Variants in MAGI1 observed in about 807,000 individuals in gnomAD.
MAGI1 encodes membrane associated guanylate kinase, WW and PDZ domain containing 1, also known as membrane-associated guanylate kinase, WW and PDZ domain-containing protein 1.
A neutral mutation model predicts 139.9 loss-of-function variants in MAGI1; 58 were observed. That is an observed-to-expected ratio of 0.41 (90% CI 0.34 to 0.52). The LOEUF (loss-of-function observed/expected upper bound fraction) is 0.52. Among genes scored for constraint, MAGI1 ranks in the 20% least tolerant of loss-of-function variants. The pLI is 0.12. For missense variants in MAGI1, 1,874 were observed against 1,901.6 expected (o/e 0.99, Z 0.27); for synonymous variants, 812 against 737.9 (o/e 1.10, Z -1.63).
chr3:65,676,772 G>C (rs2087217775), intron 1 of MAGI1, among the ~76,000 whole-genome samples: 1 of 152,120 alleles, frequency 6.6e-6, no homozygotes, highest in African/African-American at 2.4e-5. Context: ...AGGAGCTTTA[G>C]AAAACAGATG....
At chr3:65,722,425 G>C (rs2033142369) in intron 1 of MAGI1, among the ~76,000 whole-genome samples, 1 of 151,948 alleles carries the variant, frequency 6.6e-6, no homozygotes, top group Non-Finnish European at 1.5e-5. Flanking sequence ...CTTAAGCCCA[G>C]GAGTCCGAGA....
At chr3:65,760,293 C>T (rs2036908408) in intron 1 of MAGI1, among the ~76,000 whole-genome samples, 1 of 151,574 alleles carries the variant, frequency 6.6e-6, no homozygotes, top group Non-Finnish European at 1.5e-5. Flanking sequence ...GAGGCAGTTA[C>T]TACTATTATT....
At chr3:66,023,799 GA>G (rs1421473904) in intron 1 of MAGI1, among the ~76,000 whole-genome samples, 1 of 152,208 alleles carries the variant, frequency 6.6e-6, no homozygotes, top group African/African-American at 2.4e-5. Flanking sequence ...TCAGGGCAGA[GA>G]ATAGATTCTA....
chr3:65,741,178 A>ATT (rs10707971), intron 1 of MAGI1, among the ~76,000 whole-genome samples: 5 of 146,898 alleles, frequency 3.4e-5, no homozygotes, highest in Admixed American at 2.7e-4. Context: ...GCTATTATTG[A>ATT]TTTTTTTTTT....
intron 22 of MAGI1, 199 bp downstream of exon 22, chr3:65,361,000 C>T (rs1468023559): frequency 1.4e-6 from 2 of 1,459,924 alleles, no homozygotes; most frequent in Non-Finnish European, 1.8e-6. Context: ...TTAGGCCATG[C>T]CCCAGTCCAC....
intron 1 of MAGI1, among the ~76,000 whole-genome samples, chr3:66,036,666 T>G (rs1183196147): frequency 6.6e-6 from 1 of 152,224 alleles, no homozygotes; most frequent in Non-Finnish European, 1.5e-5. Flanking sequence ...CCATTTCATC[T>G]GGAGCACGCC....
intron 1 of MAGI1, among the ~76,000 whole-genome samples, chr3:65,985,925 G>C (rs1005815610): frequency 5.9e-5 from 9 of 152,214 alleles, no homozygotes; most frequent in African/African-American, 2.2e-4. Context: ...CATGCTCAGT[G>C]ACTTGGCTTA....
chr3:65,521,033 TC>T (rs2078129767), intron 2 of MAGI1, among the ~76,000 whole-genome samples: 1 of 152,194 alleles, frequency 6.6e-6, no homozygotes, highest in Non-Finnish European at 1.5e-5. Flanking sequence ...TATCAATCCA[TC>T]CCAAATCTTG....
At chr3:65,644,912 A>C (rs1322512992) in intron 1 of MAGI1, among the ~76,000 whole-genome samples, 1 of 151,702 alleles carries the variant, frequency 6.6e-6, no homozygotes, top group African/African-American at 2.4e-5. Flanking sequence ...TAGGAGAATC[A>C]CTTGAACCTG....
Position 66,038,061 on chromosome 3 carries a change from C to A in MAGI1, c.248G>T (p.Arg83Leu). Residue 83 changes from arginine to leucine, a missense_variant, in exon 1 of 23, where the codon CGC becomes CTC. Physicochemically the swap from Arg to Leu is moderately radical, Grantham distance 102 (BLOSUM62 -2). This residue lies in a region of MAGI1 where 648 missense variants were observed against 598.1 expected (regional missense o/e 1.08). Transcript: ENST00000402939. The stretch of plus-strand genomic sequence containing the variant: ...GTCGATGACCCCCAGCACGTCATAG[C>A]GGGGCAAGCCGGACACCCGGACCCC... ...VQGVRVSGLP[R>L]YDVLGVIDSC... The A allele has an allele frequency of 6.2e-7, 1 of 1,612,262 alleles. No individual in the cohort carries two copies. Among genetic ancestry groups the A allele is most frequent in the Non-Finnish European group, 8.5e-7 (1 of 1,179,258 alleles).
chr3:65,719,332 C>T (rs1402753426), intron 1 of MAGI1, among the ~76,000 whole-genome samples: 2 of 150,984 alleles, frequency 1.3e-5, no homozygotes, highest in African/African-American at 4.9e-5. Context: ...TCTGGGCTTA[C>T]CATATATACA....
intron 1 of MAGI1, among the ~76,000 whole-genome samples, chr3:66,034,061 T>C (rs2068783976): frequency 6.6e-6 from 1 of 152,170 alleles, no homozygotes; most frequent in Non-Finnish European, 1.5e-5. Context: ...CCTAGTACAG[T>C]AGTTCTTAAA....
intron 1 of MAGI1, among the ~76,000 whole-genome samples, chr3:66,018,607 A>AT (rs2067795183): frequency 6.6e-6 from 1 of 152,234 alleles, no homozygotes; most frequent in South Asian, 2.1e-4. Flanking sequence ...CACATGGATC[A>AT]TGATCACCAT....
chr3:65,976,871 T>C (rs1347091748), intron 1 of MAGI1, among the ~76,000 whole-genome samples: 2 of 152,186 alleles, frequency 1.3e-5, no homozygotes, highest in Non-Finnish European at 2.9e-5. Context: ...TCAAATTACA[T>C]GCTTTCACAC....
At chr3:65,846,989 A>AAAC (rs1262254660) in intron 1 of MAGI1, among the ~76,000 whole-genome samples, 7 of 151,534 alleles carry the variant, frequency 4.6e-5, no homozygotes, top group South Asian at 4.2e-4. Context: ...AAAAAAAAAA[A>AAAC]AAAAAAACCC....
chr3:65,964,431 GAGA>G (rs146730781), intron 1 of MAGI1, among the ~76,000 whole-genome samples: 2,276 of 151,980 alleles, frequency 0.015, 61 homozygotes, highest in African/African-American at 0.051. Context: ...GAGTCATAGA[GAGA>G]AGAACACTTC....
intron 1 of MAGI1, among the ~76,000 whole-genome samples, chr3:65,829,336 T>C (rs1034871186): frequency 6.6e-6 from 1 of 152,170 alleles, no homozygotes; most frequent in African/African-American, 2.4e-5. Context: ...AAAATTCCTA[T>C]GTTGGAACCT....
intron 18 of MAGI1, among the ~76,000 whole-genome samples, chr3:65,371,596 A>G (rs1001720984): frequency 5.3e-5 from 8 of 152,308 alleles, no homozygotes; most frequent in East Asian, 1.9e-4. Context: ...TCTTCCTTCA[A>G]TGAAAGATTT....
At chr3:65,950,949 G>A (rs1437567455) in intron 1 of MAGI1, among the ~76,000 whole-genome samples, 1 of 124,982 alleles carries the variant, frequency 8.0e-6, no homozygotes, top group Non-Finnish European at 1.6e-5. Flanking sequence ...GATAGTTGGT[G>A]AGAAGAAAGA....
Sources: gnomAD v4.1 joint callset for allele counts (sites outside exome capture counted in the v4.1 genomes callset) on GRCh38, gnomAD v4.1.1 for gene constraint, gnomAD v4.1.1 regional missense constraint, MANE v1.5 for transcripts, NCBI Gene and HGNC (gene_info 2026-07-23, HGNC 2026-07-21) for gene names.